CELF2: variants seen among roughly 807,000 people sequenced by gnomAD.
CELF2 encodes CUGBP Elav-like family member 2.
CELF2 carries 8 observed loss-of-function variants against 62.6 expected under a neutral mutation model. The ratio of observed to expected loss-of-function variants is 0.13; its 90% CI spans 0.07 to 0.23. The LOEUF is 0.23. Ranked by LOEUF, CELF2 falls within the 10% of genes least tolerant of loss-of-function variation. CELF2 has a pLI of 1.00. For synonymous variants in CELF2, 258 were observed against 250.0 expected, an observed-to-expected ratio of 1.03 and a Z score of -0.30; for missense variants, 333 against 671.0, an observed-to-expected ratio of 0.50 and a Z score of 5.56.
At position 11,214,690 on chromosome 10, in the gene CELF2, G is replaced by A. The variant is rs772980893; in HGVS notation, c.272-2735G>A. On this transcript the variant is annotated intron_variant, in intron 2 of 12. Transcript: ENST00000633077. The surrounding 1 kb of genome is among the most constrained non-coding windows in gnomAD (Gnocchi z 4.2). Reference sequence around the variant, plus strand: ...AAGGCACATTAGCAGTGTTACCTACGGTATCCTCCTGCGTGTCACACTGGA... The same window carrying A: ...AAGGCACATTAGCAGTGTTACCTACAGTATCCTCCTGCGTGTCACACTGGA... 8.5e-5 allele frequency among the ~76,000 whole-genome samples: 13 copies of A among 152,294 alleles called. No homozygotes were observed. Among genetic ancestry groups the A allele is most frequent in the African/African-American group, 2.6e-4 (11 of 41,580 alleles).
At chr10:10,941,316 C>CT (rs1284817514) in intron 2 of CELF2, among the ~76,000 whole-genome samples, 1 of 152,140 alleles carries the variant, frequency 6.6e-6, no homozygotes, top group Non-Finnish European at 1.5e-5. Context: ...CTCTCTAGGC[C>CT]TCCCTTGACC....
chr10:10,896,009 G>T (rs74361904), intron 1 of CELF2, among the ~76,000 whole-genome samples: 2,893 of 152,280 alleles, frequency 0.019, 76 homozygotes, highest in African/African-American at 0.064. Flanking sequence ...GAATTCACAG[G>T]AGAGTACTAG....
the CELF2 span, among the ~76,000 whole-genome samples, chr10:10,471,664 A>G: frequency 6.6e-6 from 1 of 151,796 alleles, no homozygotes; most frequent in Admixed American, 6.6e-5. Flanking sequence ...AACACAAATA[A>G]GTTGTCTTTG....
the CELF2 span, among the ~76,000 whole-genome samples, chr10:10,687,242 A>G: frequency 6.6e-6 from 1 of 152,218 alleles, no homozygotes; most frequent in Admixed American, 6.5e-5. Context: ...GGACTGCCAT[A>G]GAAATACTAA....
At chr10:10,507,747 TC>T in the CELF2 span, among the ~76,000 whole-genome samples, 99,627 of 152,020 alleles carry the variant, frequency 0.66, 35,165 homozygotes, top group East Asian at 0.92. Context: ...AATTCAATTT[TC>T]CTCCATCCAA....
the CELF2 span, chr10:10,776,198 T>G: frequency 6.5e-6 from 1 of 153,230 alleles, no homozygotes; most frequent in African/African-American, 2.4e-5. Flanking sequence ...AAATTTTTGT[T>G]CAGTTTCAAA....
rs769042715 is a variant in CELF2, at chr10:11,165,693, C to T, written c.271+11C>T. 8 of 1,603,876 alleles carry T rather than the reference C, an allele frequency of 5.0e-6. No individual in the cohort carries two copies. Among genetic ancestry groups the T allele is most frequent in the African/African-American group, 2.7e-5 (2 of 74,552 alleles). On this transcript the variant is annotated intron_variant, in intron 2 of 12. Transcript: ENST00000633077. This position sits in a 1 kb window ranked among gnomAD's most constrained non-coding sequence, Gnocchi z 7.4. The stretch of plus-strand genomic sequence containing the variant: ...CTCCGCAGAGTAAAGGTACAGAGCG[C>T]GGGGCGGGGGTCGCCAGGCGTCCAG...
the CELF2 span, among the ~76,000 whole-genome samples, chr10:10,508,909 C>T: frequency 8.6e-5 from 13 of 151,986 alleles, no homozygotes; most frequent in African/African-American, 9.7e-5. Context: ...CTCCTGACCT[C>T]GTGATCCACT....
chr10:11,119,864 T>TCTCCCCCCC (rs1399108400), intron 1 of CELF2, among the ~76,000 whole-genome samples: 30 of 112,142 alleles, frequency 2.7e-4, no homozygotes, highest in Non-Finnish European at 3.7e-4. Flanking sequence ...TGATTCCGCC[T>TCTCCCCCCC]CCCCCCCCCC....
the CELF2 span, among the ~76,000 whole-genome samples, chr10:10,680,358 G>A: frequency 1.3e-5 from 2 of 152,150 alleles, no homozygotes; most frequent in South Asian, 4.1e-4. Flanking sequence ...AACAGTTTTG[G>A]TTTATTATAG....
chr10:11,040,824 A>T (rs1311154514), intron 1 of CELF2, among the ~76,000 whole-genome samples: 1 of 152,198 alleles, frequency 6.6e-6, no homozygotes, highest in Non-Finnish European at 1.5e-5. Context: ...TATCAAAAAT[A>T]TTCAATATTT....
intron 1 of CELF2, among the ~76,000 whole-genome samples, chr10:11,121,705 T>G (rs1329315132): frequency 1.5e-5 from 2 of 131,718 alleles, no homozygotes; most frequent in East Asian, 1.9e-4. Flanking sequence ...ATTTTTTTTG[T>G]TTTTTTTACT....
chr10:11,109,108 T>A (rs2054439655), intron 1 of CELF2, among the ~76,000 whole-genome samples: 1 of 152,226 alleles, frequency 6.6e-6, no homozygotes, highest in Admixed American at 6.5e-5. Context: ...CTGCATTAGG[T>A]ATATCTCATA....
the CELF2 span, among the ~76,000 whole-genome samples, chr10:10,560,170 A>G: frequency 6.6e-6 from 1 of 152,180 alleles, no homozygotes; most frequent in East Asian, 1.9e-4. Context: ...CCCTGTAGTC[A>G]ACTCGAAAAG....
At chr10:10,565,048 C>T in the CELF2 span, among the ~76,000 whole-genome samples, 1 of 152,176 alleles carries the variant, frequency 6.6e-6, no homozygotes, top group African/African-American at 2.4e-5. Flanking sequence ...ATGTGTCAGA[C>T]ATGGAATTTT....
intron 1 of CELF2, among the ~76,000 whole-genome samples, chr10:11,162,957 T>C (rs2066062147): frequency 6.6e-6 from 1 of 152,164 alleles, no homozygotes; most frequent in South Asian, 2.1e-4. Context: ...TCAGAGCCCC[T>C]GTACCACACT....
At chr10:10,560,611 G>A in the CELF2 span, among the ~76,000 whole-genome samples, 3 of 152,104 alleles carry the variant, frequency 2.0e-5, no homozygotes, top group Non-Finnish European at 2.9e-5. Flanking sequence ...ACAGTATGGA[G>A]ATTCCTTAAA....
intron 2 of CELF2, among the ~76,000 whole-genome samples, chr10:11,174,423 C>G (rs984853855): frequency 3.3e-5 from 5 of 152,238 alleles, no homozygotes; most frequent in African/African-American, 1.2e-4. Context: ...GTATTCTTTT[C>G]ATTCTCTATG....
At chr10:10,830,253 A>G (rs1362339284) in intron 1 of CELF2, among the ~76,000 whole-genome samples, 3 of 146,028 alleles carry the variant, frequency 2.1e-5, no homozygotes, top group Non-Finnish European at 4.5e-5. Context: ...ACAAACTGTG[A>G]GCTATTGAAT....
Sources: allele counts gnomAD v4.1 joint callset (sites outside exome capture counted in the v4.1 genomes callset), GRCh38; gene constraint gnomAD v4.1.1; non-coding constraint Gnocchi (gnomAD v3.1); transcripts MANE v1.5; gene names NCBI Gene and HGNC (gene_info 2026-07-23, HGNC 2026-07-21).